Variants in INPP1 observed in about 807,000 individuals in gnomAD.
The protein encoded by INPP1 is inositol polyphosphate-1-phosphatase.
Under a neutral mutation model 23.0 loss-of-function variants are expected in INPP1, and 18 were observed. The observed-to-expected ratio is 0.78, with a 90% CI of 0.54 to 1.16. INPP1 has a LOEUF of 1.16. Ranked by LOEUF, INPP1 falls within the 50% of genes most tolerant of loss-of-function variation. INPP1 has a pLI of 0.00. For synonymous variants in INPP1, 164 were observed against 176.3 expected (o/e 0.93, Z 0.55); for missense variants, 448 against 482.1 (o/e 0.93, Z 0.66).
chr2:190,371,185 G>A lies in INPP1; in HGVS notation c.983G>A (p.Gly328Asp). 6.2e-7 allele frequency: 1 copy of A among 1,614,108 alleles called. No homozygotes were observed. Among genetic ancestry groups the A allele is most frequent in the Non-Finnish European group, 8.5e-7 (1 of 1,179,978 alleles). Residue 328 changes from glycine (G) to aspartate (D), a missense_variant, in exon 7 of 7, where the codon GGT becomes GAT. Physicochemically the swap from Gly to Asp is moderately conservative, Grantham distance 94. Transcript: ENST00000392329. This position sits in a 1 kb window ranked among gnomAD's most constrained non-coding sequence, Gnocchi z 5.3. The part of the protein sequence containing the change: ...CAAHAILRAM[G>D]GGIVDLKECL... The stretch of plus-strand genomic sequence containing the variant: ...GCTCATGCCATACTGAGGGCCATGG[G>A]TGGGGGAATAGTAGACTTGAAAGAA...
intron 4 of INPP1, among the ~76,000 whole-genome samples, 186 bp from the exon 5 acceptor site, chr2:190,366,509 C>G (rs1387877698): frequency 1.3e-5 from 2 of 151,618 alleles, no homozygotes; most frequent in East Asian, 1.9e-4. Flanking sequence ...CTCTGTGTGT[C>G]TCTCTCTCAC....
chr2:190,364,315 G>A (rs1054773540), intron 4 of INPP1, among the ~76,000 whole-genome samples: 2 of 151,996 alleles, frequency 1.3e-5, no homozygotes, highest in Non-Finnish European at 2.9e-5. Context: ...CAGGGCGGGT[G>A]GATCACAAGG....
chr2:190,369,279 TA>T lies in INPP1; in HGVS notation c.641+6del. ...GTCACGAGATCCAAACACCCTCAGGTAAAAGGCAAATATTTTTGGTATATTA... is the reference window on the plus strand; with the variant it reads ...GTCACGAGATCCAAACACCCTCAGGTAAAGGCAAATATTTTTGGTATATTA... On this transcript the variant is annotated splice_donor_region_variant and intron_variant, in intron 6 of 6. Coordinates refer to ENST00000392329, the MANE Select transcript of INPP1 (RefSeq NM_001128928.2). 6.4e-7 allele frequency: 1 copy of T among 1,556,294 alleles called. No individual in the cohort carries two copies. The highest frequency in any genetic ancestry group is 8.8e-7 in the Non-Finnish European group (1 of 1,140,726).
At chr2:190,357,131 A>G (rs1689434159) in intron 2 of INPP1, among the ~76,000 whole-genome samples, 1 of 152,192 alleles carries the variant, frequency 6.6e-6, no homozygotes, top group Non-Finnish European at 1.5e-5. Flanking sequence ...AAGGCATTTA[A>G]GTAGGCAGGT....
intron 1 of INPP1, among the ~76,000 whole-genome samples, chr2:190,344,859 G>C (rs1052827704): frequency 4.6e-5 from 7 of 152,214 alleles, no homozygotes; most frequent in Admixed American, 4.6e-4. Flanking sequence ...CACTTAAGTG[G>C]ATCCCATCTG....
At chr2:190,350,617 T>C (rs945650343) in intron 2 of INPP1, among the ~76,000 whole-genome samples, 1 of 152,178 alleles carries the variant, frequency 6.6e-6, no homozygotes, top group East Asian at 1.9e-4. Context: ...ATGTGGTCCA[T>C]TGGTACACTT....
In INPP1 at chr2:190,355,761, TG is replaced by T. The variant is rs1298361726; in HGVS notation, c.-64-4277del. Among the ~76,000 whole-genome samples the T allele has an allele frequency of 3.3e-5, 5 of 152,176 alleles. No individual in the cohort carries two copies. In the East Asian group the frequency reaches 9.6e-4, roughly 29 times the overall value. On this transcript the variant is annotated intron_variant, in intron 2 of 6. Coordinates refer to ENST00000392329, the MANE Select transcript of INPP1 (RefSeq NM_001128928.2). This position sits in a 1 kb window ranked among gnomAD's most constrained non-coding sequence, Gnocchi z 5.1. ...AGTGTTGAAATAAAGTGGTCTTAGG[TG>T]AATGATGAGTATGTAAACTTACTTT...
intron 4 of INPP1, among the ~76,000 whole-genome samples, chr2:190,365,931 C>T (rs1055499726): frequency 4.6e-5 from 7 of 151,120 alleles, no homozygotes; most frequent in African/African-American, 1.7e-4. Context: ...GTCTCACTGT[C>T]TCTCGCTCAC....
chr2:190,360,377 T>G, intron 3 of INPP1, 71 bp downstream of exon 3: 1 of 1,356,030 alleles, frequency 7.4e-7, no homozygotes, highest in Non-Finnish European at 1.0e-6. Flanking sequence ...TAGAATAGCA[T>G]GCCTTTTGCT....
In INPP1 at chr2:190,367,484, T is replaced by C. The variant is rs1689703494; in HGVS notation, c.466+589T>C. 1.3e-5 allele frequency among the ~76,000 whole-genome samples: 2 copies of C among 152,262 alleles called. No individual in the cohort carries two copies. Among genetic ancestry groups the C allele is most frequent in the South Asian group, 2.1e-4 (1 of 4,836 alleles). ...GCATGAGCAGTTTGTGAGCCCTGCA[T>C]GAGCTCTACATTTTTTTTGGTCATG... On this transcript the variant is annotated intron_variant, in intron 5 of 6. Transcript: ENST00000392329. This position sits in a 1 kb window ranked among gnomAD's most constrained non-coding sequence, Gnocchi z 4.1.
At position 190,352,116 on chromosome 2, in the gene INPP1, A is replaced by G. The variant is rs62182002; in HGVS notation, c.-65+3085A>G. Among the ~76,000 whole-genome samples the G allele has an allele frequency of 0.041, 6,218 of 152,268 alleles. 193 individuals are homozygous for G. Among genetic ancestry groups the G allele is most frequent in the Non-Finnish European group, 0.068 (4,614 of 68,010 alleles). ...GGATATCCTCCTGTATGAAGTGCCT[A>G]TTCAAGCTTCTTGCCCTTGAACTGA... On this transcript the variant is annotated intron_variant, in intron 2 of 6. Transcript: ENST00000392329. This position sits in a 1 kb window ranked among gnomAD's most constrained non-coding sequence, Gnocchi z 4.7.
In INPP1 at chr2:190,370,891, T is replaced by A. The variant is rs766914572; in HGVS notation, c.689T>A (p.Met230Lys). The A allele has an allele frequency of 1.2e-6, 2 of 1,613,962 alleles. No homozygotes were observed. The highest frequency in any genetic ancestry group is 3.3e-5 in the Admixed American group (2 of 59,986). Residue 230 changes from methionine (M) to lysine (K), a missense_variant, in exon 7 of 7, where the codon ATG becomes AAG. Physicochemically the swap from Met to Lys is moderately conservative, Grantham distance 95 (BLOSUM62 -1). Transcript: ENST00000392329. The part of the protein sequence containing the change: ...YWGLSYMGTN[M>K]HSLQLTISRR... ...GGCCTTTCTTACATGGGGACCAACA[T>A]GCATTCACTACAGCTCACCATCTCT...
At chr2:190,348,262 A>G (rs1689261154) in intron 1 of INPP1, among the ~76,000 whole-genome samples, 1 of 152,230 alleles carries the variant, frequency 6.6e-6, no homozygotes, top group Non-Finnish European at 1.5e-5. Flanking sequence ...GTTTTTTAAA[A>G]ATATAAGTCA....
rs753472073 is a variant in INPP1, at chr2:190,360,193, C to T, written c.91C>T (p.Leu31=). The change falls in exon 3 of 7, where the codon CTG becomes TTG. Residue 31 remains leucine (L), a synonymous_variant. Transcript: ENST00000392329. The part of the protein sequence containing the change: ...ACRQQEALFQ[L]LIEEKKEGEK... The stretch of plus-strand genomic sequence containing the variant: ...CAGACAGCAGGAAGCCCTCTTCCAG[C>T]TGCTGATCGAAGAAAAGAAAGAGGG... 4 of 1,614,196 alleles carry T rather than the reference C, an allele frequency of 2.5e-6. No homozygotes were observed. The South Asian group carries it at 3.3e-5, about 13-fold the overall frequency.
intron 3 of INPP1, among the ~76,000 whole-genome samples, chr2:190,361,511 A>G (rs1689533242): frequency 6.6e-6 from 1 of 152,172 alleles, no homozygotes; most frequent in African/African-American, 2.4e-5. Flanking sequence ...TTTCTTTTTT[A>G]CTTATCAATA....
In INPP1 at chr2:190,355,966, GATA is replaced by G. The variant is rs1367525114; in HGVS notation, c.-64-4070_-64-4068del. Among the ~76,000 whole-genome samples, 117 of 137,370 alleles carry G rather than the reference GATA, an allele frequency of 8.5e-4. No individual in the cohort carries two copies. The highest frequency in any genetic ancestry group is 1.7e-3 in the East Asian group (8 of 4,652). 90.1% of individuals were successfully genotyped at this position (137,370 alleles called of 152,430 possible). A position where few individuals can be genotyped will look rare whatever the true frequency, so the allele number is the denominator to read the frequency against. On this transcript the variant is annotated intron_variant, in intron 2 of 6. Transcript: ENST00000392329. The surrounding 1 kb of genome is among the most constrained non-coding windows in gnomAD (Gnocchi z 5.1). ...AAATTAATTAAAAAATCATCTGAAA[GATA>G]ATTTCCATGAGTTTTAATAAATGTA...
chr2:190,370,315 TA>T (rs1689776304), intron 6 of INPP1, among the ~76,000 whole-genome samples: 1 of 152,200 alleles, frequency 6.6e-6, no homozygotes, highest in Admixed American at 6.5e-5. Context: ...TAAGCATTGA[TA>T]AAGGGAAGGT....
At position 190,360,272 on chromosome 2, in the gene INPP1, T is replaced by C. The variant is rs770173204; in HGVS notation, c.170T>C (p.Val57Ala). ...TTCAAGACGCTGGCTGATGTACTGG[T>C]ACAGGAAGTTATAAAACAGAATATG... ...VDFKTLADVL[V>A]QEVIKQNMEN... Residue 57 changes from valine (V) to alanine (A), a missense_variant, in exon 3 of 7, where the codon GTA (valine) becomes GCA (alanine). Val to Ala is a moderately conservative substitution (Grantham distance 64). Coordinates refer to ENST00000392329, the MANE Select transcript of INPP1 (RefSeq NM_001128928.2). The C allele has an allele frequency of 8.1e-6, 13 of 1,614,056 alleles. No homozygotes were observed. In the Admixed American group the frequency reaches 1.5e-4, roughly 19 times the overall value.
In INPP1 at chr2:190,371,618, T is replaced by C. The variant is rs1025133048; in HGVS notation, c.*216T>C. ...TGTATGAAATTCTTACAGTGAATATTGTGCTGTTAGTGCTGCTTGAAACAT... is the reference window on the plus strand; with the variant it reads ...TGTATGAAATTCTTACAGTGAATATCGTGCTGTTAGTGCTGCTTGAAACAT... On this transcript the variant is annotated 3_prime_UTR_variant, in exon 7 of 7. Coordinates refer to ENST00000392329, the MANE Select transcript of INPP1 (RefSeq NM_001128928.2). This position sits in a 1 kb window ranked among gnomAD's most constrained non-coding sequence, Gnocchi z 5.3. The C allele has an allele frequency of 1.4e-5, 6 of 433,222 alleles. No homozygotes were observed. The highest frequency in any genetic ancestry group is 1.0e-4 in the African/African-American group (5 of 49,690). 26.8% of individuals were successfully genotyped at this position (433,222 alleles called of 1,614,324 possible). A position where few individuals can be genotyped will look rare whatever the true frequency, so the allele number is the denominator to read the frequency against.
Sources: gnomAD v4.1 joint callset for allele counts (sites outside exome capture counted in the v4.1 genomes callset) on GRCh38, gnomAD v4.1.1 for gene constraint, Gnocchi (gnomAD v3.1) non-coding constraint, MANE v1.5 for transcripts, NCBI Gene and HGNC (gene_info 2026-07-23, HGNC 2026-07-21) for gene names.